The following TEAD1 variants were observed in gnomAD, a reference collection of about 807,000 sequenced individuals.
TEAD1 encodes TEA domain transcription factor 1.
Under a neutral mutation model 54.9 loss-of-function variants are expected in TEAD1, and 9 were observed. That is an observed-to-expected ratio of 0.16 (90% CI 0.10 to 0.29). TEAD1 has a LOEUF of 0.29. TEAD1 is among the 10% of genes least tolerant of loss of function. The pLI, the probability that TEAD1 is intolerant of heterozygous loss-of-function variation, is 1.00. For synonymous variants in TEAD1, 200 were observed against 187.8 expected (o/e 1.07, Z -0.53); for missense variants, 387 against 535.9 (o/e 0.72, Z 2.74).
intron 3 of TEAD1, among the ~76,000 whole-genome samples, chr11:12,801,321 CG>C (rs1946056314): frequency 6.6e-6 from 1 of 152,096 alleles, no homozygotes; most frequent in Non-Finnish European, 1.5e-5. Context: ...TTGGGGTGGA[CG>C]GGGCCACAGC....
intron 3 of TEAD1, among the ~76,000 whole-genome samples, chr11:12,809,003 C>A (rs971964203): frequency 6.6e-6 from 1 of 152,148 alleles, no homozygotes; most frequent in Non-Finnish European, 1.5e-5. Context: ...GAATTTTCAT[C>A]CTGAGCTTGT....
intron 3 of TEAD1, among the ~76,000 whole-genome samples, chr11:12,846,556 G>A (rs1320698881): frequency 6.6e-6 from 1 of 151,996 alleles, no homozygotes; most frequent in Non-Finnish European, 1.5e-5. Context: ...TGCAGATAAA[G>A]CTGTGTTGAC....
At chr11:12,863,167 A>G (rs1327515001) in intron 4 of TEAD1, among the ~76,000 whole-genome samples, 1 of 152,216 alleles carries the variant, frequency 6.6e-6, no homozygotes. Flanking sequence ...CCGTGGTCTC[A>G]TTAAGATTGA....
At chr11:12,864,647 G>T in intron 4 of TEAD1, 191 bp from the exon 5 acceptor site, 13 of 1,366,234 alleles carry the variant, frequency 9.5e-6, no homozygotes, top group South Asian at 1.5e-5. Context: ...GTTTTGTTTT[G>T]TTTTGTTTTG....
intron 5 of TEAD1, among the ~76,000 whole-genome samples, chr11:12,865,870 C>A (rs139623748): frequency 4.7e-4 from 71 of 152,192 alleles, no homozygotes; most frequent in African/African-American, 1.6e-3. Context: ...GTGCCTTTTT[C>A]GGTTCTGTTC....
At chr11:12,851,163 A>G (rs1223219901) in intron 3 of TEAD1, 8 of 881,560 alleles carry the variant, frequency 9.1e-6, no homozygotes, top group Admixed American at 1.2e-4. Context: ...GATCTCACTT[A>G]TACGTGGAAT....
At chr11:12,898,117 C>G (rs1165246845) in intron 9 of TEAD1, among the ~76,000 whole-genome samples, 1 of 152,138 alleles carries the variant, frequency 6.6e-6, no homozygotes, top group Non-Finnish European at 1.5e-5. Context: ...CTCACAGCGC[C>G]CAGTGGACAC....
chr11:12,775,745 G>C (rs1478500632), intron 3 of TEAD1, among the ~76,000 whole-genome samples: 1 of 152,158 alleles, frequency 6.6e-6, no homozygotes, highest in Non-Finnish European at 1.5e-5. Flanking sequence ...AGGGAGATGG[G>C]ATTATAGGAG....
intron 3 of TEAD1, among the ~76,000 whole-genome samples, chr11:12,829,381 G>T (rs1035568803): frequency 6.6e-6 from 1 of 152,130 alleles, no homozygotes; most frequent in Admixed American, 6.6e-5. Flanking sequence ...AGGTGGCCTT[G>T]ACATATCCCA....
At chr11:12,868,363 T>C (rs1359523590) in intron 5 of TEAD1, among the ~76,000 whole-genome samples, 1 of 152,232 alleles carries the variant, frequency 6.6e-6, no homozygotes, top group Non-Finnish European at 1.5e-5. Flanking sequence ...CCTCTTATGC[T>C]GTCCCTTCCA....
chr11:12,910,199 A>C (rs562295984), intron 10 of TEAD1, among the ~76,000 whole-genome samples: 1 of 152,304 alleles, frequency 6.6e-6, no homozygotes, highest in South Asian at 2.1e-4. Context: ...AAGGACAAAA[A>C]CCCAAGTGTA....
intron 2 of TEAD1, among the ~76,000 whole-genome samples, chr11:12,693,091 C>T (rs1012446963): frequency 8.5e-5 from 13 of 152,196 alleles, no homozygotes; most frequent in African/African-American, 3.1e-4. Flanking sequence ...AAAGTTTTTT[C>T]TAGTGGGGAC....
At chr11:12,819,243 G>C (rs1946478281) in intron 3 of TEAD1, among the ~76,000 whole-genome samples, 1 of 150,576 alleles carries the variant, frequency 6.6e-6, no homozygotes, top group African/African-American at 2.4e-5. Flanking sequence ...TGACTCCAAG[G>C]TGGCACCATT....
intron 2 of TEAD1, among the ~76,000 whole-genome samples, chr11:12,713,132 A>G (rs1943979721): frequency 6.6e-6 from 1 of 152,240 alleles, no homozygotes; most frequent in South Asian, 2.1e-4. Flanking sequence ...TGATCCTCCA[A>G]CCTCAGCCTC....
intron 3 of TEAD1, among the ~76,000 whole-genome samples, chr11:12,775,925 G>A (rs1945407033): frequency 6.6e-6 from 1 of 151,866 alleles, no homozygotes; most frequent in Admixed American, 6.5e-5. Context: ...GAGTTAGAAA[G>A]CAAACCATAT....
At position 12,943,192 on chromosome 11, in the gene TEAD1, C is replaced by G. The variant is rs993764146; in HGVS notation, c.*5970C>G. The G allele has an allele frequency of 2.6e-5, 4 of 152,168 alleles. No homozygotes were observed. Among genetic ancestry groups the G allele is most frequent in the African/African-American group, 9.7e-5 (4 of 41,430 alleles). The allele number at this position is 152,168 out of a possible 1,614,324, so 9.4% of individuals were successfully genotyped here. ...AAGTATTTGTAGAAATTTGTGCAAA[C>G]AAACAAAAACTATCAAATGAAAAGA... On this transcript the variant is annotated 3_prime_UTR_variant, in exon 13 of 13. Transcript: ENST00000527636.
intron 2 of TEAD1, among the ~76,000 whole-genome samples, chr11:12,714,880 G>A (rs1316078457): frequency 2.0e-5 from 3 of 152,082 alleles, no homozygotes; most frequent in East Asian, 3.9e-4. Flanking sequence ...AGTCACACTC[G>A]GTTAGGGCCC....
chr11:12,698,041 G>A (rs369873415), intron 2 of TEAD1, among the ~76,000 whole-genome samples: 3 of 148,982 alleles, frequency 2.0e-5, no homozygotes, highest in South Asian at 4.2e-4. Flanking sequence ...AAAAAAAAGG[G>A]CCCTCAGAAC....
At position 12,932,706 on chromosome 11, in the gene TEAD1, A is replaced by G. The variant is rs888620940; in HGVS notation, c.1167+2380A>G. On this transcript the variant is annotated intron_variant, in intron 12 of 12. Transcript: ENST00000527636. ...AACTATTATATAATACAGCATAATT[A>G]TTTTTAAAAATAAATTTAGGTTAGC... Among the ~76,000 whole-genome samples the G allele has an allele frequency of 6.6e-5, 10 of 152,138 alleles. No homozygotes were observed. The East Asian group carries it at 1.9e-3, about 29-fold the overall frequency.
Sources: allele counts gnomAD v4.1 joint callset (sites outside exome capture counted in the v4.1 genomes callset), GRCh38; gene constraint gnomAD v4.1.1; transcripts MANE v1.5; gene names NCBI Gene and HGNC (gene_info 2026-07-23, HGNC 2026-07-21).